The following POU6F2 variants were observed in gnomAD, a reference collection of about 807,000 sequenced individuals.
The protein encoded by POU6F2 is POU domain, class 6, transcription factor 2.
POU6F2 carries 31 observed loss-of-function variants against 71.3 expected under a neutral mutation model. That is an observed-to-expected ratio of 0.43 (90% CI 0.33 to 0.59). POU6F2 has a LOEUF of 0.59. POU6F2 is among the 20% of genes least tolerant of loss of function. The pLI, the probability that POU6F2 is intolerant of heterozygous loss-of-function variation, is 0.04. For synonymous variants in POU6F2, 347 were observed against 355.7 expected, an observed-to-expected ratio of 0.98 and a Z score of 0.27; for missense variants, 783 against 856.8, an observed-to-expected ratio of 0.91 and a Z score of 1.07.
At chr7:39,163,972 A>G (rs1350152614) in intron 2 of POU6F2, among the ~76,000 whole-genome samples, 1 of 152,164 alleles carries the variant, frequency 6.6e-6, no homozygotes, top group African/African-American at 2.4e-5. Context: ...TGTTGTTCAA[A>G]GGATACAAAA....
At chr7:39,104,429 C>T (rs1242117037) in intron 2 of POU6F2, among the ~76,000 whole-genome samples, 1 of 152,148 alleles carries the variant, frequency 6.6e-6, no homozygotes, top group Non-Finnish European at 1.5e-5. Flanking sequence ...GATTGATCTG[C>T]CCGGTGGCTG....
At chr7:39,303,931 C>T (rs970746794) in intron 4 of POU6F2, among the ~76,000 whole-genome samples, 3 of 152,222 alleles carry the variant, frequency 2.0e-5, no homozygotes, top group African/African-American at 7.2e-5. Flanking sequence ...CCGTCTTCCA[C>T]ATCAATCCAC....
intron 2 of POU6F2, among the ~76,000 whole-genome samples, chr7:39,148,001 AC>A (rs1792656531): frequency 5.3e-5 from 8 of 152,130 alleles, no homozygotes; most frequent in Admixed American, 4.6e-4. Context: ...ACTTCTTTCC[AC>A]CCCTAGGCAC....
chr7:39,228,727 CT>C (rs1170141447), intron 4 of POU6F2, among the ~76,000 whole-genome samples: 22 of 152,270 alleles, frequency 1.4e-4, no homozygotes, highest in Admixed American at 9.8e-4. Flanking sequence ...GCAAATGAAT[CT>C]TTTGGAGACA....
chr7:39,106,219 C>A (rs1338134942), intron 2 of POU6F2, among the ~76,000 whole-genome samples: 8 of 152,156 alleles, frequency 5.3e-5, no homozygotes. Flanking sequence ...ACAGAAACTC[C>A]ATGAGGCAGA....
chr7:39,258,286 G>C (rs1364831039), intron 4 of POU6F2, among the ~76,000 whole-genome samples: 2 of 152,188 alleles, frequency 1.3e-5, no homozygotes, highest in Admixed American at 6.5e-5. Context: ...ACTGGACTCT[G>C]AGAGATTTGA....
intron 5 of POU6F2, among the ~76,000 whole-genome samples, chr7:39,349,186 G>A (rs979448635): frequency 1.3e-5 from 2 of 152,210 alleles, no homozygotes; most frequent in South Asian, 2.1e-4. Flanking sequence ...GGCAAGAGAC[G>A]AGAAAGCTGA....
chr7:39,246,247 G>A (rs1199085248), intron 4 of POU6F2, among the ~76,000 whole-genome samples: 2 of 152,194 alleles, frequency 1.3e-5, no homozygotes, highest in African/African-American at 4.8e-5. Context: ...TGGGCACTGG[G>A]ACGACAGGAG....
chr7:38,998,838 T>TTTTTTTTTTTTTTTTTTTTTTTG (rs869182741), intron 1 of POU6F2, among the ~76,000 whole-genome samples: 2 of 141,330 alleles, frequency 1.4e-5, no homozygotes, highest in African/African-American at 2.6e-5. Flanking sequence ...TTTTTTTTTT[T>TTTTTTTTTTTTTTTTTTTTTTTG]TATTTTCAGT....
chr7:39,402,853 G>T (rs1787334377), intron 5 of POU6F2, among the ~76,000 whole-genome samples: 3 of 152,132 alleles, frequency 2.0e-5, no homozygotes, highest in African/African-American at 4.8e-5. Flanking sequence ...AAAGAAAAAA[G>T]ATATTTATGG....
intron 1 of POU6F2, among the ~76,000 whole-genome samples, chr7:39,032,497 A>G (rs1042208328): frequency 6.6e-6 from 1 of 152,186 alleles, no homozygotes; most frequent in African/African-American, 2.4e-5. Flanking sequence ...GTTTGCTACA[A>G]TTTGCCATGC....
At chr7:39,343,801 A>G (rs1275369848) in intron 5 of POU6F2, among the ~76,000 whole-genome samples, 2 of 152,154 alleles carry the variant, frequency 1.3e-5, no homozygotes, top group African/African-American at 2.4e-5. Context: ...TTTCAGGCCT[A>G]TGAATCTATA....
At chr7:39,159,361 A>G (rs6462895) in intron 2 of POU6F2, among the ~76,000 whole-genome samples, 63,383 of 151,876 alleles carry the variant, frequency 0.42, 13,821 homozygotes, top group African/African-American at 0.52. Flanking sequence ...CCATTCTTCA[A>G]CGCTCATCCA....
chr7:39,079,462 C>G (rs890788622), intron 1 of POU6F2, among the ~76,000 whole-genome samples: 5 of 152,082 alleles, frequency 3.3e-5, no homozygotes, highest in Non-Finnish European at 7.4e-5. Flanking sequence ...CAGGCTTAAG[C>G]CACCGTGCCC....
intron 7 of POU6F2, among the ~76,000 whole-genome samples, chr7:39,445,706 A>G (rs1426113454): frequency 6.6e-6 from 1 of 152,166 alleles, no homozygotes; most frequent in Non-Finnish European, 1.5e-5. Flanking sequence ...CCTGATGTCA[A>G]CAATAAATCT....
intron 4 of POU6F2, among the ~76,000 whole-genome samples, chr7:39,239,720 T>G (rs1347098940): frequency 6.7e-6 from 1 of 149,184 alleles, no homozygotes; most frequent in African/African-American, 2.5e-5. Context: ...AAGACTAATA[T>G]TATTAATTGT....
chr7:38,997,393 C>A (rs184132985), intron 1 of POU6F2, among the ~76,000 whole-genome samples: 1 of 152,314 alleles, frequency 6.6e-6, no homozygotes, highest in Admixed American at 6.5e-5. Context: ...TGAACTTCCA[C>A]AACAATTTGT....
chr7:39,255,075 T>C (rs1024253051), intron 4 of POU6F2, among the ~76,000 whole-genome samples: 3 of 152,214 alleles, frequency 2.0e-5, no homozygotes, highest in Non-Finnish European at 4.4e-5. Context: ...CTAGACAACT[T>C]TGAGTATGAC....
At chr7:39,270,921 A>G (rs1052800073) in intron 4 of POU6F2, among the ~76,000 whole-genome samples, 1 of 152,108 alleles carries the variant, frequency 6.6e-6, no homozygotes, top group African/African-American at 2.4e-5. Context: ...CCAGTGTTCT[A>G]CAAGACCCCT....
Sources: allele counts gnomAD v4.1 joint callset (sites outside exome capture counted in the v4.1 genomes callset), GRCh38; gene constraint gnomAD v4.1.1; transcripts MANE v1.5; gene names NCBI Gene and HGNC (gene_info 2026-07-23, HGNC 2026-07-21).